PDE8B: variants seen among roughly 807,000 people sequenced by gnomAD.
PDE8B encodes the protein phosphodiesterase 8B, also known as high affinity cAMP-specific and IBMX-insensitive 3',5'-cyclic phosphodiesterase 8B.
PDE8B carries 26 observed loss-of-function variants against 101.3 expected under a neutral mutation model. The observed-to-expected ratio is 0.26, with a 90% CI of 0.19 to 0.36. The LOEUF is 0.36. Among genes scored for constraint, PDE8B ranks in the 10% least tolerant of loss-of-function variants. PDE8B has a pLI of 1.00. For synonymous variants in PDE8B, 424 were observed against 429.3 expected (o/e 0.99, Z 0.15); for missense variants, 810 against 1,163.1 (o/e 0.70, Z 4.42).
At chr5:77,111,246 C>CTCCCCA in the PDE8B span, among the ~76,000 whole-genome samples, 33 of 152,104 alleles carry the variant, frequency 2.2e-4, no homozygotes, top group Non-Finnish European at 4.3e-4. Context: ...AGATGGGGCT[C>CTCCCCA]ATTCACAGAT....
At chr5:77,159,113 T>C in the PDE8B span, among the ~76,000 whole-genome samples, 2 of 152,220 alleles carry the variant, frequency 1.3e-5, no homozygotes, top group South Asian at 2.1e-4. Context: ...CCCTCTACCA[T>C]AGGGGCAAGG....
chr5:77,190,921 A>G, the PDE8B span, among the ~76,000 whole-genome samples: 1 of 152,222 alleles, frequency 6.6e-6, no homozygotes, highest in African/African-American at 2.4e-5. Flanking sequence ...TTCAGCTACC[A>G]TAACAAAATA....
chr5:77,175,954 A>T, the PDE8B span, among the ~76,000 whole-genome samples: 1,295 of 152,308 alleles, frequency 8.5e-3, 14 homozygotes, highest in African/African-American at 0.03. Flanking sequence ...TGTTCAAGGG[A>T]ACCTAAATGG....
upstream of PDE8B, among the ~76,000 whole-genome samples, chr5:77,207,459 GT>G (rs1740900297): frequency 6.6e-6 from 1 of 152,144 alleles, no homozygotes; most frequent in African/African-American, 2.4e-5. Context: ...TTTACAATAT[GT>G]TTCTGATTTA....
chr5:77,425,731 T>C (rs760056179), intron 20 of PDE8B, 36 bp from the exon 21 acceptor site: 1 of 1,609,906 alleles, frequency 6.2e-7, no homozygotes, highest in East Asian at 2.2e-5. Context: ...GTGTCTCGCA[T>C]GTCCTCCAGC....
chr5:77,349,585 C>G lies in PDE8B; in HGVS notation c.1017+26C>G, dbSNP rs548542348. On this transcript the variant is annotated intron_variant, in intron 8 of 21. Coordinates refer to ENST00000264917, the MANE Select transcript of PDE8B (RefSeq NM_003719.5). ...GTGGGTTACACCAGCAAAACCAATC[C>G]ACGAACCCTCTCCCCAATGCACTTT... 1.1e-5 allele frequency: 18 copies of G among 1,613,652 alleles called. No individual in the cohort carries two copies. The Admixed American group carries it at 2.0e-4, about 18-fold the overall frequency.
At chr5:77,359,063 A>C (rs1258090402) in intron 10 of PDE8B, among the ~76,000 whole-genome samples, 1 of 152,154 alleles carries the variant, frequency 6.6e-6, no homozygotes, top group African/African-American at 2.4e-5. Context: ...AGCAGACATG[A>C]ATGGAATACC....
At chr5:77,124,065 A>G in the PDE8B span, among the ~76,000 whole-genome samples, 1 of 152,262 alleles carries the variant, frequency 6.6e-6, no homozygotes, top group African/African-American at 2.4e-5. Flanking sequence ...GGATCAAACT[A>G]ATCTGCAAGT....
chr5:77,407,549 A>G (rs3101866), intron 13 of PDE8B, 92 bp downstream of exon 13: 436,528 of 898,046 alleles, frequency 0.49, 108,942 homozygotes, highest in Non-Finnish European at 0.52. Flanking sequence ...CATGGAGCTC[A>G]GTCTAGTGGA....
At chr5:77,388,965 C>T (rs62362500) in intron 10 of PDE8B, among the ~76,000 whole-genome samples, 31,189 of 152,036 alleles carry the variant, frequency 0.21, 3,723 homozygotes, top group South Asian at 0.39. Context: ...ACTACTGTGC[C>T]GGCAGCGAGA....
intron 11 of PDE8B, among the ~76,000 whole-genome samples, chr5:77,404,349 C>T (rs1432124847): frequency 6.6e-6 from 1 of 151,552 alleles, no homozygotes. Flanking sequence ...GGTCTCGAAA[C>T]CTGACCTCAG....
intron 11 of PDE8B, among the ~76,000 whole-genome samples, chr5:77,400,683 AC>A (rs940633066): frequency 6.6e-6 from 1 of 152,176 alleles, no homozygotes; most frequent in African/African-American, 2.4e-5. Flanking sequence ...TGGTGACTGT[AC>A]AGTTGGAAAA....
At chr5:77,266,892 T>C (rs751426815) in intron 1 of PDE8B, among the ~76,000 whole-genome samples, 4 of 152,142 alleles carry the variant, frequency 2.6e-5, no homozygotes, top group Non-Finnish European at 4.4e-5. Context: ...AGAATTTCAT[T>C]CAACAAATTA....
the PDE8B span, among the ~76,000 whole-genome samples, chr5:77,174,691 T>TCTC: frequency 6.6e-6 from 1 of 152,130 alleles, no homozygotes; most frequent in African/African-American, 2.4e-5. Context: ...TCTGCTGGTA[T>TCTC]CTCCTCCGCT....
chr5:77,219,632 G>A (rs1322030430), intron 1 of PDE8B, among the ~76,000 whole-genome samples: 1 of 152,176 alleles, frequency 6.6e-6, no homozygotes, highest in African/African-American at 2.4e-5. Flanking sequence ...ATACATTTAT[G>A]AAGGCCAGTG....
intron 20 of PDE8B, among the ~76,000 whole-genome samples, 174 bp from the exon 21 acceptor site, chr5:77,425,593 G>A (rs942994174): frequency 2.0e-5 from 3 of 152,156 alleles, no homozygotes; most frequent in Admixed American, 2.0e-4. Flanking sequence ...AGGTCTGAGT[G>A]TAGTCAGTGT....
At chr5:77,394,212 CA>C (rs1178401478) in intron 10 of PDE8B, among the ~76,000 whole-genome samples, 1 of 152,142 alleles carries the variant, frequency 6.6e-6, no homozygotes, top group Non-Finnish European at 1.5e-5. Context: ...GTTGCCCGTT[CA>C]TCATGGAACG....
intron 10 of PDE8B, among the ~76,000 whole-genome samples, chr5:77,355,418 A>C (rs941796088): frequency 8.5e-5 from 13 of 152,066 alleles, no homozygotes; most frequent in African/African-American, 2.9e-4. Flanking sequence ...TGGCAATGGG[A>C]TCTGTGCTGG....
At chr5:77,335,967 C>G (rs1581111251) in intron 5 of PDE8B, among the ~76,000 whole-genome samples, 1 of 152,132 alleles carries the variant, frequency 6.6e-6, no homozygotes, top group East Asian at 1.9e-4. Context: ...ATACCCTACA[C>G]TGAATCACAT....
Sources: gnomAD v4.1 joint callset for allele counts (sites outside exome capture counted in the v4.1 genomes callset) on GRCh38, gnomAD v4.1.1 for gene constraint, MANE v1.5 for transcripts, NCBI Gene and HGNC (gene_info 2026-07-23, HGNC 2026-07-21) for gene names.